Variants in SMYD3 observed in about 807,000 individuals in gnomAD.
SMYD3 encodes histone-lysine N-methyltransferase SMYD3.
A neutral mutation model predicts 57.7 loss-of-function variants in SMYD3; 36 were observed. That is an observed-to-expected ratio of 0.62 (90% CI 0.48 to 0.82). The LOEUF (loss-of-function observed/expected upper bound fraction) is 0.82. SMYD3 is among the 40% of genes least tolerant of loss of function. The pLI is 0.00. For synonymous variants in SMYD3, 211 were observed against 195.0 expected (o/e 1.08, Z -0.68); for missense variants, 515 against 538.8 (o/e 0.96, Z 0.44).
At chr1:246,360,872 T>C (rs1454617338) in intron 1 of SMYD3, among the ~76,000 whole-genome samples, 3 of 152,148 alleles carry the variant, frequency 2.0e-5, no homozygotes, top group Non-Finnish European at 4.4e-5. Context: ...GAAAAACCTT[T>C]CTAGACATTG....
At chr1:245,955,138 C>T (rs555192403) in intron 5 of SMYD3, among the ~76,000 whole-genome samples, 1 of 152,324 alleles carries the variant, frequency 6.6e-6, no homozygotes, top group South Asian at 2.1e-4. Flanking sequence ...GTCGCCCAGG[C>T]TGGACTGCAG....
At chr1:245,816,977 C>T (rs2048851926) in intron 10 of SMYD3, among the ~76,000 whole-genome samples, 1 of 151,456 alleles carries the variant, frequency 6.6e-6, no homozygotes, top group Non-Finnish European at 1.5e-5. Context: ...GGGAGGGGCG[C>T]CCGCCATTGC....
At chr1:245,841,443 T>C (rs1174643549) in intron 10 of SMYD3, among the ~76,000 whole-genome samples, 1 of 152,218 alleles carries the variant, frequency 6.6e-6, no homozygotes, top group African/African-American at 2.4e-5. Context: ...ATTTCCTCCA[T>C]GACCTACTGG....
In SMYD3 at chr1:246,124,337, G is replaced by T. The variant is rs183961288; in HGVS notation, c.532-194400C>A. On this transcript the variant is annotated intron_variant, in intron 5 of 11. Transcript: ENST00000490107. ...TTTAAAAAGTTCCAAATGAATGAAT[G>T]AATGAATAAAAAAAGAAAGAAAGAA... Among the ~76,000 whole-genome samples, 158 of 150,328 alleles carry T rather than the reference G, an allele frequency of 1.1e-3. 1 individual carries two copies. Among genetic ancestry groups the T allele is most frequent in the Non-Finnish European group, 1.6e-3 (112 of 67,956 alleles).
At chr1:246,319,383 G>A (rs772903628) in intron 5 of SMYD3, among the ~76,000 whole-genome samples, 4 of 152,150 alleles carry the variant, frequency 2.6e-5, no homozygotes, top group Non-Finnish European at 4.4e-5. Flanking sequence ...GTGCCTGCTC[G>A]CTTTTAGTGT....
At chr1:246,047,902 G>C (rs183357366) in intron 5 of SMYD3, among the ~76,000 whole-genome samples, 4 of 151,860 alleles carry the variant, frequency 2.6e-5, no homozygotes, top group African/African-American at 9.7e-5. Flanking sequence ...AGATACCCAC[G>C]ACAGGAAACC....
chr1:246,022,211 T>A (rs2059484114), intron 5 of SMYD3, among the ~76,000 whole-genome samples: 1 of 152,206 alleles, frequency 6.6e-6, no homozygotes, highest in Non-Finnish European at 1.5e-5. Flanking sequence ...CAAGTCAATA[T>A]GGGCAAAAAT....
intron 5 of SMYD3, among the ~76,000 whole-genome samples, chr1:245,949,600 G>A (rs568680557): frequency 1.3e-5 from 2 of 152,344 alleles, no homozygotes; most frequent in South Asian, 4.1e-4. Flanking sequence ...CTTGAGGTCA[G>A]GAGTTCAAGA....
intron 5 of SMYD3, among the ~76,000 whole-genome samples, chr1:246,123,123 C>G (rs1238747080): frequency 6.6e-6 from 1 of 152,144 alleles, no homozygotes; most frequent in Non-Finnish European, 1.5e-5. Flanking sequence ...TTACAAAGTT[C>G]AAAATCACAG....
intron 5 of SMYD3, among the ~76,000 whole-genome samples, chr1:246,311,663 G>A (rs978936937): frequency 5.3e-5 from 8 of 152,102 alleles, no homozygotes; most frequent in African/African-American, 1.2e-4. Context: ...ACGCGCACGC[G>A]CGCACACACA....
At chr1:246,311,046 C>T (rs1412567242) in intron 5 of SMYD3, among the ~76,000 whole-genome samples, 4 of 152,194 alleles carry the variant, frequency 2.6e-5, no homozygotes, top group South Asian at 4.2e-4. Context: ...AATGATCACA[C>T]TCTATAGAAT....
intron 5 of SMYD3, among the ~76,000 whole-genome samples, chr1:246,176,499 G>A (rs969594088): frequency 5.3e-5 from 8 of 152,148 alleles, no homozygotes; most frequent in East Asian, 1.9e-4. Flanking sequence ...AAACATATTC[G>A]AAGCAATGAG....
At chr1:246,166,656 T>C (rs994891107) in intron 5 of SMYD3, among the ~76,000 whole-genome samples, 3 of 152,200 alleles carry the variant, frequency 2.0e-5, no homozygotes, top group Non-Finnish European at 4.4e-5. Context: ...AAGATAATGT[T>C]TGCCTATCAC....
At chr1:246,087,580 TG>T (rs1327111224) in intron 5 of SMYD3, among the ~76,000 whole-genome samples, 1 of 152,356 alleles carries the variant, frequency 6.6e-6, no homozygotes, top group African/African-American at 2.4e-5. Context: ...TTGTTTTCCG[TG>T]GTATCTATGA....
intron 7 of SMYD3, among the ~76,000 whole-genome samples, chr1:245,925,466 C>T (rs1312740859): frequency 6.6e-6 from 1 of 152,136 alleles, no homozygotes; most frequent in African/African-American, 2.4e-5. Context: ...TCTCCCCTAC[C>T]TCTGCTCCAA....
At position 246,452,427 on chromosome 1, in the gene SMYD3, G is replaced by A. The variant is rs537382526; in HGVS notation, c.164+54627C>T. 4.4e-4 allele frequency among the ~76,000 whole-genome samples: 67 copies of A among 152,200 alleles called. No individual in the cohort carries two copies. The South Asian group carries it at 6.8e-3, about 16-fold the overall frequency. ...TGAGGCACGAGAATCGTTTGAACTC[G>A]TTTGGGAGGTGGAAGTTGCAGTGGA... On this transcript the variant is annotated intron_variant, in intron 1 of 11. Coordinates refer to ENST00000490107, the MANE Select transcript of SMYD3 (RefSeq NM_001167740.2).
chr1:246,006,464 A>G (rs1328755230), intron 5 of SMYD3, among the ~76,000 whole-genome samples: 1 of 152,154 alleles, frequency 6.6e-6, no homozygotes. Flanking sequence ...CCTGGGTGAT[A>G]ATGTGAGAAG....
chr1:245,939,760 T>C (rs1282209694), intron 5 of SMYD3, among the ~76,000 whole-genome samples: 1 of 152,226 alleles, frequency 6.6e-6, no homozygotes, highest in Admixed American at 6.5e-5. Context: ...CCTCTCAGTT[T>C]TCCTGTCTTC....
At chr1:245,786,076 C>CTT (rs11457106) in intron 10 of SMYD3, among the ~76,000 whole-genome samples, 5,665 of 123,206 alleles carry the variant, frequency 0.046, 158 homozygotes, top group Middle Eastern at 0.1. Flanking sequence ...AGAAGTTTTG[C>CTT]TTTTTTTTTT....
Sources: gnomAD v4.1 joint callset for allele counts (sites outside exome capture counted in the v4.1 genomes callset) on GRCh38, gnomAD v4.1.1 for gene constraint, MANE v1.5 for transcripts, NCBI Gene and HGNC (gene_info 2026-07-23, HGNC 2026-07-21) for gene names.